The following LAMA5 variants were observed in gnomAD, a reference collection of about 807,000 sequenced individuals.
LAMA5 encodes the protein laminin subunit alpha 5, also known as laminin subunit alpha-5.
A neutral mutation model predicts 433.4 loss-of-function variants in LAMA5; 260 were observed. The ratio of observed to expected loss-of-function variants is 0.60; its 90% CI spans 0.54 to 0.66. The LOEUF is 0.66. Among genes scored for constraint, LAMA5 ranks in the 30% least tolerant of loss-of-function variants. LAMA5 has a pLI of 0.00. For synonymous variants in LAMA5, 2,620 were observed against 2,226.6 expected, an observed-to-expected ratio of 1.18 and a Z score of -4.97; for missense variants, 5,378 against 5,258.5, an observed-to-expected ratio of 1.02 and a Z score of -0.70.
chr20:62,317,602 G>A (rs531926731), intron 54 of LAMA5, 60 bp downstream of exon 54: 28 of 1,514,558 alleles, frequency 1.8e-5, no homozygotes, highest in Middle Eastern at 1.8e-4. Context: ...AGCTGCCCAC[G>A]GGCCTGGGAG....
chr20:62,333,726 A>G lies in LAMA5; in HGVS notation c.2879-20T>C. ...CTGTGCCTGGGCGGGGGCAGGGGTG[A>G]GACTCCTGAGCCCAGCCCTTGGGGC... On this transcript the variant is annotated intron_variant, in intron 23 of 79. Transcript: ENST00000252999. The G allele has an allele frequency of 6.4e-7, 1 of 1,563,716 alleles. No homozygotes were observed. Among genetic ancestry groups the G allele is most frequent in the Non-Finnish European group, 8.7e-7 (1 of 1,154,860 alleles).
Position 62,314,444 on chromosome 20 carries a change from C to G in LAMA5, c.8368-4G>C, listed in dbSNP as rs753245121. ...CACCCATGTAGTCCCCAGTGGCCTGCGGCAGTGACAGACACACAGTCGGGA... is the reference window on the plus strand; with the variant it reads ...CACCCATGTAGTCCCCAGTGGCCTGGGGCAGTGACAGACACACAGTCGGGA... On this transcript the variant is annotated splice_region_variant and splice_polypyrimidine_tract_variant and intron_variant, in intron 61 of 79. Transcript: ENST00000252999. 6.2e-7 allele frequency: 1 copy of G among 1,613,220 alleles called. No homozygotes were observed. Among genetic ancestry groups the G allele is most frequent in the Admixed American group, 1.7e-5 (1 of 60,000 alleles).
At chr20:62,347,773 G>GC (rs1386735852) in intron 6 of LAMA5, among the ~76,000 whole-genome samples, 3 of 152,206 alleles carry the variant, frequency 2.0e-5, no homozygotes, top group Non-Finnish European at 4.4e-5. Flanking sequence ...GCAGGGCCGT[G>GC]CGTTCCCTGA....
chr20:62,351,810 G>C lies in LAMA5; in HGVS notation c.859-9C>G, dbSNP rs758086248. 1.9e-6 allele frequency: 3 copies of C among 1,599,090 alleles called. No individual in the cohort carries two copies. The highest frequency in any genetic ancestry group is 2.3e-5 in the South Asian group (2 of 88,866). On this transcript the variant is annotated splice_polypyrimidine_tract_variant and intron_variant, in intron 5 of 79. Transcript: ENST00000252999. The stretch of plus-strand genomic sequence containing the variant: ...TTGATGCTGTAATAATACTGCACCC[G>C]CAGGCCCCGTGAGCACCAGGCGGCC...
Position 62,333,476 on chromosome 20 carries a change from G to C in LAMA5, c.3027C>G (p.Tyr1009Ter). 6.2e-7 allele frequency: 1 copy of C among 1,611,834 alleles called. No homozygotes were observed. The highest frequency in any genetic ancestry group is 8.5e-7 in the Non-Finnish European group (1 of 1,179,566). ...RVEAEGVLLDYVVLLPSAYYE... is the reference protein window; with the variant it reads ...RVEAEGVLLD ...AGTATGCGCTAGGCAGCAGAACCACGTAGTCCTGCAGGGTGGAGGTGGTGC... is the reference window on the plus strand; with the variant it reads ...AGTATGCGCTAGGCAGCAGAACCACCTAGTCCTGCAGGGTGGAGGTGGTGC... Residue 1009 changes from tyrosine (Y) to a stop codon, truncating the protein, a stop_gained, in exon 25 of 80, where the codon TAC becomes TAG. Transcript: ENST00000252999. LOFTEE classifies it high-confidence loss of function.
At position 62,309,210 on chromosome 20, in the gene LAMA5, C is replaced by CTTTAA. The variant is rs1985785308; in HGVS notation, c.*125_*126insTTAAA. ...TTCGTTTAAGAAGCTATAACTTAAA[C>CTTTAA]CATCTTCAGAAACAAGATCTGTCAC... On this transcript the variant is annotated 3_prime_UTR_variant, in exon 80 of 80. Transcript: ENST00000252999. The CTTTAA allele has an allele frequency of 1.0e-6, 1 of 966,714 alleles. No individual in the cohort carries two copies. The highest frequency in any genetic ancestry group is 1.7e-5 in the African/African-American group (1 of 60,094). The allele number at this position is 966,714 out of a possible 1,614,324, so 59.9% of individuals were successfully genotyped here.
intron 43 of LAMA5, 52 bp from the exon 44 acceptor site, chr20:62,323,908 G>T: frequency 6.5e-7 from 1 of 1,527,990 alleles, no homozygotes; most frequent in Non-Finnish European, 8.9e-7. Flanking sequence ...GCCCGGGCCC[G>T]GGCGAGCACA....
chr20:62,328,234 C>A lies in LAMA5; in HGVS notation c.4652+7G>T, dbSNP rs181124267. ...GGGGCCGCGCTGACGCCGCTCTGGGCTCTCACTTGCACTGGCCGCTGTCTG... is the reference window on the plus strand; with the variant it reads ...GGGGCCGCGCTGACGCCGCTCTGGGATCTCACTTGCACTGGCCGCTGTCTG... On this transcript the variant is annotated splice_region_variant and intron_variant, in intron 35 of 79. Coordinates refer to ENST00000252999, the MANE Select transcript of LAMA5 (RefSeq NM_005560.6). 9.4e-6 allele frequency: 15 copies of A among 1,596,334 alleles called. No homozygotes were observed. In the Middle Eastern group the frequency reaches 1.7e-3, roughly 177 times the overall value.
rs555299125 is a variant in LAMA5 at position 62,319,746 on chromosome 20, G to A, written c.6809C>T (p.Ala2270Val). Residue 2270 changes from alanine (A) to valine (V), a missense_variant, in exon 51 of 80, where the codon GCC becomes GTC. Ala to Val is a moderately conservative substitution (Grantham distance 64, BLOSUM62 0). Coordinates refer to ENST00000252999, the MANE Select transcript of LAMA5 (RefSeq NM_005560.6). The stretch of plus-strand genomic sequence containing the variant: ...CAGCGTCTTCGCATGGCCCAGTGTG[G>A]CCTCGGTGCCGGCCAGCAATTGGCT... ...QASQLLAGTE[A>V]TLGHAKTLLA... The A allele has an allele frequency of 3.2e-6, 5 of 1,549,172 alleles. No individual in the cohort carries two copies. In the East Asian group the frequency reaches 7.3e-5, roughly 23 times the overall value.
At position 62,320,576 on chromosome 20, in the gene LAMA5, G is replaced by C; in HGVS notation, c.6742C>G (p.Arg2248Gly). Residue 2248 changes from arginine to glycine, a missense_variant, in exon 50 of 80, where the codon CGG becomes GGG. Coordinates refer to ENST00000252999, the MANE Select transcript of LAMA5 (RefSeq NM_005560.6). Reference protein sequence around the residue: ...QQSTSLGQDARRLGGQAVGTR... With the variant: ...QQSTSLGQDAGRLGGQAVGTR... ...GCTCCTGCCTGGCCGCCTAGCCGCC[G>C]TGCGTCCTGCCCGAGGCTTGTGCTC... 1 of 1,599,852 alleles carries C rather than the reference G, an allele frequency of 6.3e-7. No individual in the cohort carries two copies. Among genetic ancestry groups the C allele is most frequent in the Non-Finnish European group, 8.5e-7 (1 of 1,177,848 alleles).
Position 62,336,452 on chromosome 20 carries a change from G to T in LAMA5, c.2218-7C>A. The T allele has an allele frequency of 6.2e-7, 1 of 1,610,070 alleles. No individual in the cohort carries two copies. Among genetic ancestry groups the T allele is most frequent in the South Asian group, 1.1e-5 (1 of 90,914 alleles). ...ACATACAGGGAACCTGTGCCTGGGA[G>T]AGGACAAGACTGCAGGTCAGAGCGG... is the stretch of plus-strand genomic sequence containing the variant. On this transcript the variant is annotated splice_polypyrimidine_tract_variant and splice_region_variant and intron_variant, in intron 17 of 79. Transcript: ENST00000252999.
At chr20:62,327,445 C>T (rs773741750) in intron 37 of LAMA5, 39 bp from the exon 38 acceptor site, 1 of 1,595,814 alleles carries the variant, frequency 6.3e-7, no homozygotes, top group Non-Finnish European at 8.6e-7. Context: ...GGGTGGATGC[C>T]CACACATCAC....
At chr20:62,319,861 C>T (rs1036853513) in intron 50 of LAMA5, 66 bp from the exon 51 acceptor site, 20 of 1,285,096 alleles carry the variant, frequency 1.6e-5, no homozygotes, top group Non-Finnish European at 2.1e-5. Flanking sequence ...AAGGGAGGGC[C>T]TGGGGTCTGG....
rs1161378741 is a variant in LAMA5, at chr20:62,352,269, T to G, written c.660A>C (p.Ser220=). The part of the protein sequence containing the change: ...DDAAICTTEY[S]RIVPLENGEI... ...CTCCGTTCTCCAGGGGCACGATGCG[T>G]GAGTACTCGGTGGTGCAGATGGCCG... The change falls in exon 4 of 80, where the codon TCA becomes TCC. Residue 220 remains serine, a synonymous_variant. Transcript: ENST00000252999. The G allele has an allele frequency of 5.0e-6, 8 of 1,599,512 alleles. No homozygotes were observed. Among genetic ancestry groups the G allele is most frequent in the Non-Finnish European group, 6.8e-6 (8 of 1,179,422 alleles).
At chr20:62,354,573 T>TG in intron 2 of LAMA5, among the ~76,000 whole-genome samples, 1 of 152,266 alleles carries the variant, frequency 6.6e-6, no homozygotes, top group East Asian at 1.9e-4. Context: ...AAAAGGTCTC[T>TG]GGTCCCTAAA....
intron 6 of LAMA5, among the ~76,000 whole-genome samples, chr20:62,349,312 A>G: frequency 6.6e-6 from 1 of 151,208 alleles, no homozygotes; most frequent in Non-Finnish European, 1.5e-5. Flanking sequence ...CCTGAGCAAG[A>G]AAAAAATCCC....
intron 57 of LAMA5, chr20:62,316,285 T>C (rs1986921991): frequency 5.1e-6 from 3 of 584,490 alleles, no homozygotes; most frequent in African/African-American, 1.9e-5. Flanking sequence ...CTGTCCCCAT[T>C]GTACAGATGA....
At chr20:62,349,039 G>A (rs1983786282) in intron 6 of LAMA5, among the ~76,000 whole-genome samples, 1 of 152,078 alleles carries the variant, frequency 6.6e-6, no homozygotes, top group African/African-American at 2.4e-5. Context: ...GGAGGCCGAG[G>A]CAGGTGGATC....
In LAMA5 at chr20:62,352,124, T is replaced by C. The variant is rs552407883; in HGVS notation, c.688-45A>G. 25 of 1,599,292 alleles carry C rather than the reference T, an allele frequency of 1.6e-5. No homozygotes were observed. The African/African-American group carries it at 2.5e-4, about 16-fold the overall frequency. On this transcript the variant is annotated intron_variant, in intron 4 of 79. Coordinates refer to ENST00000252999, the MANE Select transcript of LAMA5 (RefSeq NM_005560.6). ...ACGCCAGTGTGGCCCTAGCCCCTGC[T>C]CAGCACTGCCCCTCCCGGGCCCACC...
Sources: gnomAD v4.1 joint callset for allele counts (sites outside exome capture counted in the v4.1 genomes callset) on GRCh38, gnomAD v4.1.1 for gene constraint, MANE v1.5 for transcripts, NCBI Gene and HGNC (gene_info 2026-07-23, HGNC 2026-07-21) for gene names.